Variants in TMEM184B observed in about 807,000 individuals in gnomAD.
TMEM184B encodes the protein transmembrane protein 184B.
TMEM184B carries 17 observed loss-of-function variants against 41.8 expected under a neutral mutation model. That is an observed-to-expected ratio of 0.41 (90% confidence interval 0.28 to 0.61). The LOEUF (loss-of-function observed/expected upper bound fraction) is 0.61, where lower values mean the gene tolerates loss of function less well. Among genes scored for constraint, TMEM184B ranks in the 20% least tolerant of loss-of-function variants. The pLI is 0.34. For synonymous variants in TMEM184B, 240 were observed against 229.5 expected, an observed-to-expected ratio of 1.05 and a Z score of -0.41; for missense variants, 393 against 557.8, an observed-to-expected ratio of 0.70 and a Z score of 2.98.
downstream of TMEM184B, among the ~76,000 whole-genome samples, chr22:38,218,717 A>G (rs1339835138): frequency 6.6e-6 from 1 of 152,224 alleles, no homozygotes; most frequent in Non-Finnish European, 1.5e-5. Context: ...CGGGAAGGGC[A>G]GCAGGAAGCT....
intron 1 of TMEM184B, among the ~76,000 whole-genome samples, chr22:38,256,299 T>C (rs992446691): frequency 2.6e-5 from 4 of 151,722 alleles, no homozygotes; most frequent in African/African-American, 4.8e-5. Flanking sequence ...CTGTAACCTC[T>C]GCCTCCCGGG....
Position 38,257,434 on chromosome 22 carries a change from G to A in TMEM184B, c.-58-9415C>T, listed in dbSNP as rs190128925. Among the ~76,000 whole-genome samples, 332 of 152,258 alleles carry A rather than the reference G, an allele frequency of 2.2e-3. 1 individual carries two copies. Among genetic ancestry groups the A allele is most frequent in the Non-Finnish European group, 3.5e-3 (237 of 68,022 alleles). On this transcript the variant is annotated intron_variant, in intron 1 of 8. Coordinates refer to ENST00000361906, the MANE Select transcript of TMEM184B (RefSeq NM_012264.5). Reference sequence around the variant, plus strand: ...GATTTAGAAAGAAAGCCAAGGATGCGTCTGCTCCGTGTGCAGCTTCCTGTC... The same window carrying A: ...GATTTAGAAAGAAAGCCAAGGATGCATCTGCTCCGTGTGCAGCTTCCTGTC...
rs1381909185 is a variant in TMEM184B, at chr22:38,246,089, G to T, written c.204C>A (p.His68Gln). The T allele has an allele frequency of 6.2e-7, 1 of 1,610,774 alleles. No homozygotes were observed. The highest frequency in any genetic ancestry group is 8.5e-7 in the Non-Finnish European group (1 of 1,179,962). ...LLITCHQIYMHLRCYSCPNEQ... is the reference protein window; with the variant it reads ...LLITCHQIYMQLRCYSCPNEQ... ...CGTTGGGGCAGCTGTAGCAGCGCAG[G>T]TGCATGTAGATCTGGGGGCAGAGGT... Residue 68 changes from histidine (H) to glutamine (Q), a missense_variant, in exon 3 of 9, where the codon CAC (histidine) becomes CAA (glutamine). By Grantham distance (24) the His-to-Gln change is conservative. Transcript: ENST00000361906.
chr22:38,230,658 G>C lies in TMEM184B; in HGVS notation c.525+11C>G. The stretch of plus-strand genomic sequence containing the variant: ...CTCCTCCTGAGCTAGGCAGCTGCTG[G>C]GGGCACACACCTGTTTGCAGAACCT... On this transcript the variant is annotated intron_variant, in intron 5 of 8. Transcript: ENST00000361906. The C allele has an allele frequency of 6.2e-7, 1 of 1,607,390 alleles. No individual in the cohort carries two copies. The highest frequency in any genetic ancestry group is 8.5e-7 in the Non-Finnish European group (1 of 1,177,154).
chr22:38,230,365 T>C (rs1469685510), intron 5 of TMEM184B, among the ~76,000 whole-genome samples: 1 of 152,150 alleles, frequency 6.6e-6, no homozygotes, highest in Non-Finnish European at 1.5e-5. Context: ...CAAATGGAGG[T>C]TCTAGAATCC....
chr22:38,242,335 G>A (rs755789337), intron 3 of TMEM184B, among the ~76,000 whole-genome samples: 11 of 151,818 alleles, frequency 7.2e-5, no homozygotes, highest in Admixed American at 1.3e-4. Flanking sequence ...AAAATTAGCC[G>A]GGCGTGAAGG....
chr22:38,242,762 T>A (rs917686632), intron 3 of TMEM184B, among the ~76,000 whole-genome samples: 1 of 152,144 alleles, frequency 6.6e-6, no homozygotes, highest in Non-Finnish European at 1.5e-5. Context: ...CTGCCTCTGA[T>A]GCTAAAAGCT....
chr22:38,264,727 G>C (rs137971217), intron 1 of TMEM184B, among the ~76,000 whole-genome samples: 1 of 152,312 alleles, frequency 6.6e-6, no homozygotes, highest in East Asian at 1.9e-4. Context: ...AGCAGGGCAG[G>C]CCTTTCTCCC....
chr22:38,261,142 G>A (rs2092363560), intron 1 of TMEM184B, among the ~76,000 whole-genome samples: 1 of 152,196 alleles, frequency 6.6e-6, no homozygotes, highest in South Asian at 2.1e-4. Flanking sequence ...CTGCCTTTGG[G>A]GGTTGCCTGG....
Position 38,219,606 on chromosome 22 carries a change from C to T in TMEM184B, c.*1863G>A. On this transcript the variant is annotated 3_prime_UTR_variant, in exon 9 of 9. Transcript: ENST00000361906. The stretch of plus-strand genomic sequence containing the variant: ...GAGCGGTCGGGCACATGTTCCCGTC[C>T]CCACGACCCCACGGACCGCTGATTC... 1.0e-6 allele frequency: 1 copy of T among 985,442 alleles called. No homozygotes were observed. The highest frequency in any genetic ancestry group is 1.2e-6 in the Non-Finnish European group (1 of 829,918). The allele number at this position is 985,442 out of a possible 1,614,324, so 61.0% of individuals were successfully genotyped here.
chr22:38,218,216 C>T (rs2091173703), downstream of TMEM184B, among the ~76,000 whole-genome samples: 1 of 152,194 alleles, frequency 6.6e-6, no homozygotes, highest in African/African-American at 2.4e-5. Context: ...TGTCCTAGGC[C>T]TCAAACTCAC....
At chr22:38,271,807 G>A (rs893661514) in intron 1 of TMEM184B, among the ~76,000 whole-genome samples, 2 of 152,156 alleles carry the variant, frequency 1.3e-5, no homozygotes, top group Non-Finnish European at 2.9e-5. Flanking sequence ...CAGCACCCTA[G>A]GCAAGGTTCA....
Position 38,248,001 on chromosome 22 carries a change from C to A in TMEM184B, c.-40G>T. On this transcript the variant is annotated 5_prime_UTR_variant, in exon 2 of 9. Transcript: ENST00000361906. ...GGAGGCTCCCTGAGGGAAACCTTTG[C>A]AGAAAGTGACAAGCTAGCCTAGAGA... 1 of 1,526,036 alleles carries A rather than the reference C, an allele frequency of 6.6e-7. No homozygotes were observed. Among genetic ancestry groups the A allele is most frequent in the Non-Finnish European group, 8.8e-7 (1 of 1,141,038 alleles). The allele number at this position is 1,526,036 out of a possible 1,614,324, so 94.5% of individuals were successfully genotyped here. A position where few individuals can be genotyped will look rare whatever the true frequency, so the allele number is the denominator to read the frequency against.
chr22:38,226,822 C>T lies in TMEM184B; in HGVS notation c.574G>A (p.Val192Met). ...TACTTGCCGAAGGCCTGGAGGACCA[C>T]AGTGCTGACCGCCATGAGTGGCTTC... ...VVKPLMAVSTVVLQAFGKYRD... is the reference protein window; with the variant it reads ...VVKPLMAVSTMVLQAFGKYRD... Residue 192 changes from valine (V) to methionine (M), a missense_variant, in exon 6 of 9, where the codon GTG (valine) becomes ATG (methionine). This residue lies in a region of TMEM184B where 271 missense variants were observed against 434.1 expected (regional missense o/e 0.62). Coordinates refer to ENST00000361906, the MANE Select transcript of TMEM184B (RefSeq NM_012264.5). The surrounding 1 kb of genome is among the most constrained non-coding windows in gnomAD (Gnocchi z 4.6). 1.2e-6 allele frequency: 2 copies of T among 1,606,150 alleles called. No homozygotes were observed. Among genetic ancestry groups the T allele is most frequent in the East Asian group, 2.2e-5 (1 of 44,588 alleles).
chr22:38,232,327 G>C (rs1459951848), intron 3 of TMEM184B: 2 of 152,214 alleles, frequency 1.3e-5, no homozygotes, highest in Non-Finnish European at 2.9e-5. Context: ...CAAGTCTGCT[G>C]TAAATGTTGA....
chr22:38,252,682 C>T (rs1450535990), intron 1 of TMEM184B, among the ~76,000 whole-genome samples: 1 of 152,154 alleles, frequency 6.6e-6, no homozygotes, highest in Non-Finnish European at 1.5e-5. Flanking sequence ...GTGGTGGGGA[C>T]ATAACCAGGC....
chr22:38,236,385 G>A (rs1160332915), intron 3 of TMEM184B, among the ~76,000 whole-genome samples: 2 of 152,196 alleles, frequency 1.3e-5, no homozygotes, highest in Admixed American at 6.5e-5. Flanking sequence ...CTTAATAGAC[G>A]TGACAACCAC....
chr22:38,223,539 GCCGCGGAGCC>G, intron 8 of TMEM184B: 1 of 152,792 alleles, frequency 6.5e-6, no homozygotes, highest in East Asian at 1.9e-4. Context: ...CGGGAAGTGG[GCCGCGGAGCC>G]CCGCTGCAGG....
intron 1 of TMEM184B, among the ~76,000 whole-genome samples, chr22:38,270,605 A>C (rs1411948091): frequency 6.6e-6 from 1 of 152,128 alleles, no homozygotes; most frequent in East Asian, 1.9e-4. Context: ...GTCTTCGGTG[A>C]GTGCTTACTA....
Sources: allele counts gnomAD v4.1 joint callset (sites outside exome capture counted in the v4.1 genomes callset), GRCh38; gene constraint gnomAD v4.1.1; regional missense constraint gnomAD v4.1.1; non-coding constraint Gnocchi (gnomAD v3.1); transcripts MANE v1.5; gene names NCBI Gene and HGNC (gene_info 2026-07-23, HGNC 2026-07-21).